The following GARIN1A variants were observed in gnomAD, a reference collection of about 807,000 sequenced individuals.
The protein encoded by GARIN1A is Golgi-associated RAB2 interactor protein 1A.
At chr7:128,706,467 C>T in the GARIN1A span, among the ~76,000 whole-genome samples, 5 of 152,088 alleles carry the variant, frequency 3.3e-5, 1 homozygote, top group South Asian at 1.0e-3. Context: ...ACTCATGCAC[C>T]TATAACTATA....
At chr7:128,681,888 C>G in the GARIN1A span, among the ~76,000 whole-genome samples, 4 of 149,726 alleles carry the variant, frequency 2.7e-5, no homozygotes, top group Admixed American at 2.0e-4. Flanking sequence ...TGCACCCCCC[C>G]CCACAACCCC....
At chr7:128,695,977 TC>T in the GARIN1A span, among the ~76,000 whole-genome samples, 5 of 145,260 alleles carry the variant, frequency 3.4e-5, no homozygotes, top group Admixed American at 6.9e-5. This position sits in a 1 kb window ranked among gnomAD's most constrained non-coding sequence, Gnocchi z 4.5. Context: ...GGAATTTCCC[TC>T]CCTTCCTCCC....
At chr7:128,672,243 A>G in the GARIN1A span, 1 of 564,242 alleles carries the variant, frequency 1.8e-6, no homozygotes, top group South Asian at 2.6e-5. Context: ...TGCCATTGTG[A>G]GCTGACAGGC....
At chr7:128,691,857 C>T in the GARIN1A span, 2 of 152,272 alleles carry the variant, frequency 1.3e-5, no homozygotes, top group Non-Finnish European at 2.9e-5. Flanking sequence ...GTAACCACTC[C>T]CTCCCTTCAT....
the GARIN1A span, chr7:128,675,747 G>C: frequency 6.2e-7 from 1 of 1,613,850 alleles, no homozygotes; most frequent in Non-Finnish European, 8.5e-7. Flanking sequence ...CACCTCCTCG[G>C]TGCCCTCCCT....
chr7:128,701,121 A>G, the GARIN1A span, among the ~76,000 whole-genome samples: 1 of 151,464 alleles, frequency 6.6e-6, no homozygotes, highest in Non-Finnish European at 1.5e-5. Context: ...ACCCATATGG[A>G]GAGTAAACTG....
At chr7:128,678,936 A>G in the GARIN1A span, among the ~76,000 whole-genome samples, 1 of 151,734 alleles carries the variant, frequency 6.6e-6, no homozygotes, top group African/African-American at 2.4e-5. Flanking sequence ...ATTGTTGCAT[A>G]CATATATACA....
At chr7:128,677,617 T>C in the GARIN1A span, 1 of 1,609,322 alleles carries the variant, frequency 6.2e-7, no homozygotes, top group Non-Finnish European at 8.5e-7. Context: ...CTCCAGCGCA[T>C]CCTGAGGGTT....
At chr7:128,689,328 C>G in the GARIN1A span, among the ~76,000 whole-genome samples, 1 of 151,836 alleles carries the variant, frequency 6.6e-6, no homozygotes, top group Non-Finnish European at 1.5e-5. Context: ...GCACCTCTTA[C>G]CGGCCGCCAT....
chr7:128,677,749 A>T, the GARIN1A span: 1 of 1,613,736 alleles, frequency 6.2e-7, no homozygotes, highest in African/African-American at 1.3e-5. Flanking sequence ...ACCACCAAAG[A>T]CCCGAGAATC....
chr7:128,680,037 A>C, the GARIN1A span: 3 of 1,560,644 alleles, frequency 1.9e-6, no homozygotes, highest in African/African-American at 4.1e-5. Context: ...CCAGCCTGAA[A>C]ACAGCCTCCT....
At chr7:128,697,196 C>T in the GARIN1A span, among the ~76,000 whole-genome samples, 1 of 152,162 alleles carries the variant, frequency 6.6e-6, no homozygotes, top group Non-Finnish European at 1.5e-5. Context: ...GTAAAGCCAG[C>T]AGGAAAAGAC....
At chr7:128,687,865 T>C in the GARIN1A span, 1 of 152,208 alleles carries the variant, frequency 6.6e-6, no homozygotes, top group African/African-American at 2.4e-5. Context: ...CTATTCTGTT[T>C]TGGTTCATTG....
At chr7:128,698,120 A>T in the GARIN1A span, among the ~76,000 whole-genome samples, 1 of 152,192 alleles carries the variant, frequency 6.6e-6, no homozygotes, top group Admixed American at 6.5e-5. Context: ...TACAATCATT[A>T]TTAATTTTAT....
chr7:128,690,643 A>C, the GARIN1A span: 1 of 152,202 alleles, frequency 6.6e-6, no homozygotes, highest in East Asian at 1.9e-4. Context: ...ATTTTTAAAA[A>C]ATCTTTTTCC....
At chr7:128,702,501 C>T in the GARIN1A span, among the ~76,000 whole-genome samples, 3 of 151,950 alleles carry the variant, frequency 2.0e-5, no homozygotes, top group East Asian at 1.9e-4. Context: ...AGGGCAACCA[C>T]TAAAATTTCT....
the GARIN1A span, among the ~76,000 whole-genome samples, chr7:128,679,641 A>G: frequency 1.3e-5 from 2 of 152,156 alleles, no homozygotes; most frequent in South Asian, 2.1e-4. Context: ...GTAGAAGCAC[A>G]GGAAGGAAGG....
chr7:128,689,384 T>G, the GARIN1A span, among the ~76,000 whole-genome samples: 2 of 149,194 alleles, frequency 1.3e-5, no homozygotes, highest in South Asian at 4.3e-4. Flanking sequence ...GCCCATCGTC[T>G]GAGATGTGGG....
chr7:128,675,700 A>G, the GARIN1A span: 1 of 1,613,552 alleles, frequency 6.2e-7, no homozygotes, highest in Non-Finnish European at 8.5e-7. Context: ...AACTGGAGAG[A>G]TGTCTGTGAA....
Sources: allele counts gnomAD v4.1 joint callset (sites outside exome capture counted in the v4.1 genomes callset), GRCh38; gene constraint gnomAD v4.1.1; non-coding constraint Gnocchi (gnomAD v3.1); transcripts MANE v1.5; gene names NCBI Gene and HGNC (gene_info 2026-07-23, HGNC 2026-07-21).